JAKMIP3: variants seen among roughly 807,000 people sequenced by gnomAD.
The protein encoded by JAKMIP3 is janus kinase and microtubule-interacting protein 3.
A neutral mutation model predicts 118.5 loss-of-function variants in JAKMIP3; 58 were observed. That is an observed-to-expected ratio of 0.49 (90% CI 0.40 to 0.61). JAKMIP3 has a LOEUF of 0.61. Among genes scored for constraint, JAKMIP3 ranks in the 20% least tolerant of loss-of-function variants. JAKMIP3 has a pLI of 0.00. For synonymous variants in JAKMIP3, 486 were observed against 451.2 expected (o/e 1.08, Z -0.98); for missense variants, 950 against 1,109.0 (o/e 0.86, Z 2.04).
At position 132,182,386 on chromosome 10, in the gene JAKMIP3, G is replaced by C. The variant is rs754086765; in HGVS notation, c.*1133G>C. Reference sequence around the variant, plus strand: ...GAAGCAGTGCATTGGTGAAGGCAACGTTAGGTGTGATTTCCATTCCTGCTG... The same window carrying C: ...GAAGCAGTGCATTGGTGAAGGCAACCTTAGGTGTGATTTCCATTCCTGCTG... On this transcript the variant is annotated 3_prime_UTR_variant, in exon 24 of 24. Transcript: ENST00000684848. 3 of 152,194 alleles carry C rather than the reference G, an allele frequency of 2.0e-5. No homozygotes were observed. The highest frequency in any genetic ancestry group is 7.2e-5 in the African/African-American group (3 of 41,452). 9.4% of individuals were successfully genotyped at this position (152,194 alleles called of 1,614,324 possible).
chr10:132,133,420 G>A lies in JAKMIP3; in HGVS notation c.742G>A (p.Glu248Lys). 3 of 1,594,828 alleles carry A rather than the reference G, an allele frequency of 1.9e-6. No individual in the cohort carries two copies. The highest frequency in any genetic ancestry group is 1.7e-6 in the Non-Finnish European group (2 of 1,171,050). ...GCAGCTCCAAAAAGAGGCTCTAGAT[G>A]AGCAGCTGTCCCAGGTCCGAGAGGC... ...RLQLQKEALD[E>K]QLSQVREADR... Residue 248 changes from glutamate to lysine, a missense_variant, in exon 4 of 24, where the codon GAG (glutamate) becomes AAG (lysine). Glu to Lys is a moderately conservative substitution (Grantham distance 56). Coordinates refer to ENST00000684848, the MANE Select transcript of JAKMIP3 (RefSeq NM_001323087.2).
At chr10:132,038,247 TTCCGTTCA>T (rs1188699666) in intron 1 of JAKMIP3, among the ~76,000 whole-genome samples, 14 of 152,098 alleles carry the variant, frequency 9.2e-5, no homozygotes, top group Non-Finnish European at 2.1e-4. Context: ...TGGTGGTGGG[TTCCGTTCA>T]GGTGGGTTCA....
At position 132,154,036 on chromosome 10, in the gene JAKMIP3, T is replaced by C; in HGVS notation, c.2220+46T>C. 5.1e-6 allele frequency: 8 copies of C among 1,580,376 alleles called. No individual in the cohort carries two copies. In the East Asian group the frequency reaches 1.8e-4, roughly 35 times the overall value. On this transcript the variant is annotated intron_variant, in intron 19 of 23. Coordinates refer to ENST00000684848, the MANE Select transcript of JAKMIP3 (RefSeq NM_001323087.2). ...GGAACCCCGGGGAGGGGCACTGGGC[T>C]GAAACGGCCACGTGGCTCAGGTGCC... is the stretch of plus-strand genomic sequence containing the variant.
intron 1 of JAKMIP3, among the ~76,000 whole-genome samples, chr10:132,046,415 C>T (rs1307595457): frequency 6.6e-6 from 1 of 151,902 alleles, no homozygotes; most frequent in African/African-American, 2.4e-5. Flanking sequence ...GAGATCGCGC[C>T]ACTGCACTCC....
chr10:132,045,177 G>A (rs1010098918), intron 1 of JAKMIP3, among the ~76,000 whole-genome samples: 1 of 151,994 alleles, frequency 6.6e-6, no homozygotes, highest in Non-Finnish European at 1.5e-5. Context: ...TCCTCACAAC[G>A]CTCCCTTTCC....
intron 1 of JAKMIP3, among the ~76,000 whole-genome samples, chr10:132,066,755 G>A (rs1488258443): frequency 6.6e-6 from 1 of 152,204 alleles, no homozygotes; most frequent in East Asian, 1.9e-4. Context: ...ATTGCACCAT[G>A]CCTCAGTTTC....
chr10:132,148,689 G>A (rs1385829463), intron 14 of JAKMIP3, among the ~76,000 whole-genome samples: 1 of 152,244 alleles, frequency 6.6e-6, no homozygotes, highest in African/African-American at 2.4e-5. Flanking sequence ...TGTGTCCTCT[G>A]CCATGACCTG....
In JAKMIP3 at chr10:132,050,384, A is replaced by G. The variant is rs150755477; in HGVS notation, c.-138+13646A>G. The stretch of plus-strand genomic sequence containing the variant: ...GCTTTCTTCTTTGTGGTGGTGTCCA[A>G]TGGACCCTTCATCGCTCAGCTTGGG... On this transcript the variant is annotated intron_variant, in intron 1 of 23. Coordinates refer to the JAKMIP3 transcript ENST00000657785. Among the ~76,000 whole-genome samples the G allele has an allele frequency of 3.8e-3, 575 of 152,252 alleles. 3 individuals are homozygous for G. Among genetic ancestry groups the G allele is most frequent in the Non-Finnish European group, 6.7e-3 (453 of 68,008 alleles).
intron 1 of JAKMIP3, among the ~76,000 whole-genome samples, chr10:132,103,324 T>C (rs1589816909): frequency 2.2e-5 from 2 of 89,828 alleles, no homozygotes; most frequent in Non-Finnish European, 4.5e-5. Context: ...GCATCTGACA[T>C]AGGAGCTGGG....
chr10:132,082,225 T>C (rs2041869930), intron 1 of JAKMIP3, among the ~76,000 whole-genome samples: 2 of 152,142 alleles, frequency 1.3e-5, no homozygotes, highest in Admixed American at 1.3e-4. Context: ...CAAATTATTA[T>C]TTTTTAAATT....
intron 1 of JAKMIP3, among the ~76,000 whole-genome samples, chr10:132,038,803 A>AC (rs1450033508): frequency 1.3e-5 from 2 of 152,082 alleles, no homozygotes; most frequent in African/African-American, 2.4e-5. Flanking sequence ...AAAAAAAAAA[A>AC]AAAAAAACCA....
At chr10:132,055,824 G>A (rs78161504) in intron 1 of JAKMIP3, among the ~76,000 whole-genome samples, 1 of 152,212 alleles carries the variant, frequency 6.6e-6, no homozygotes, top group African/African-American at 2.4e-5. Context: ...TGGAGGTGCA[G>A]AGAGCCCAGT....
At chr10:132,159,799 G>GC (rs1359866873) in intron 19 of JAKMIP3, among the ~76,000 whole-genome samples, 1 of 52,466 alleles carries the variant, frequency 1.9e-5, no homozygotes. Flanking sequence ...GATGCTGGGG[G>GC]GCCTCTCGCT....
At chr10:132,098,138 C>T (rs1012296380) in intron 1 of JAKMIP3, among the ~76,000 whole-genome samples, 47 of 151,638 alleles carry the variant, frequency 3.1e-4, no homozygotes, top group African/African-American at 1.1e-3. Context: ...CAGCCCCAAG[C>T]GATCCTCCCG....
At chr10:132,128,195 G>A (rs946568524) in intron 3 of JAKMIP3, among the ~76,000 whole-genome samples, 4 of 152,170 alleles carry the variant, frequency 2.6e-5, no homozygotes, top group Non-Finnish European at 5.9e-5. Flanking sequence ...CTCTCACATT[G>A]TCAGGCGTTT....
chr10:132,129,632 G>A (rs892165694), intron 3 of JAKMIP3, among the ~76,000 whole-genome samples: 5 of 152,128 alleles, frequency 3.3e-5, no homozygotes, highest in African/African-American at 4.8e-5. Flanking sequence ...TAGGGGAGGC[G>A]GGGCCCCGTG....
chr10:132,159,722 GC>G (rs2057744595), intron 19 of JAKMIP3, among the ~76,000 whole-genome samples: 6 of 108,872 alleles, frequency 5.5e-5, no homozygotes, highest in Non-Finnish European at 5.5e-5. Context: ...GATGCTGGGG[GC>G]ATGTCTTCCT....
At chr10:132,121,887 G>T (rs947118383) in intron 3 of JAKMIP3, among the ~76,000 whole-genome samples, 2 of 152,188 alleles carry the variant, frequency 1.3e-5, no homozygotes, top group African/African-American at 4.8e-5. Context: ...GGCAGGGCTG[G>T]TGAAGGAGGG....
chr10:132,151,503 AGGTGGCCGAAGAGCCACAGCAG>A (rs1253509010), intron 16 of JAKMIP3, among the ~76,000 whole-genome samples: 1 of 152,190 alleles, frequency 6.6e-6, no homozygotes, highest in Non-Finnish European at 1.5e-5. Context: ...CTGTGGTCAT[AGGTGGCCGAAGAGCCACAGCAG>A]GGTGGCCGTG....
Sources: gnomAD v4.1 joint callset for allele counts (sites outside exome capture counted in the v4.1 genomes callset) on GRCh38, gnomAD v4.1.1 for gene constraint, MANE v1.5 for transcripts, NCBI Gene and HGNC (gene_info 2026-07-23, HGNC 2026-07-21) for gene names.